Variants in SEPTIN7 observed in about 807,000 individuals in gnomAD.
SEPTIN7 encodes septin-7.
A neutral mutation model predicts 63.3 loss-of-function variants in SEPTIN7; 10 were observed. That is an observed-to-expected ratio of 0.16 (90% CI 0.10 to 0.27). SEPTIN7 has a LOEUF of 0.27. Among genes scored for constraint, SEPTIN7 ranks in the 10% least tolerant of loss-of-function variants. SEPTIN7 has a pLI of 1.00. For missense variants in SEPTIN7, 310 were observed against 521.0 expected, an observed-to-expected ratio of 0.59 and a Z score of 3.94; for synonymous variants, 131 against 165.3, an observed-to-expected ratio of 0.79 and a Z score of 1.59.
Position 35,882,442 on chromosome 7 carries a change from T to C in SEPTIN7, c.631-42T>C, listed in dbSNP as rs1018436847. ...AATGAACATAAGACTAATATACTAATTATGTATGGTGCTCTTTTGCTGACT... is the reference window on the plus strand; with the variant it reads ...AATGAACATAAGACTAATATACTAACTATGTATGGTGCTCTTTTGCTGACT... On this transcript the variant is annotated intron_variant, in intron 7 of 13. Transcript: ENST00000350320. 3 of 1,355,222 alleles carry C rather than the reference T, an allele frequency of 2.2e-6. No homozygotes were observed. The African/African-American group carries it at 4.5e-5, about 20-fold the overall frequency. 83.9% of individuals were successfully genotyped at this position (1,355,222 alleles called of 1,614,324 possible). A position where few individuals can be genotyped will look rare whatever the true frequency, so the allele number is the denominator to read the frequency against.
chr7:35,860,956 T>A (rs891818274), intron 3 of SEPTIN7, among the ~76,000 whole-genome samples: 4 of 152,214 alleles, frequency 2.6e-5, no homozygotes, highest in Non-Finnish European at 5.9e-5. Context: ...ATTGAGTATA[T>A]ATTGGTCCAA....
At chr7:35,846,486 A>G (rs1476677095) in intron 3 of SEPTIN7, among the ~76,000 whole-genome samples, 3 of 152,198 alleles carry the variant, frequency 2.0e-5, no homozygotes, top group African/African-American at 7.2e-5. Context: ...CCTTGCCAAT[A>G]TTGAGTGGAA....
chr7:35,887,651 C>G (rs1787345096), intron 10 of SEPTIN7, among the ~76,000 whole-genome samples: 1 of 152,164 alleles, frequency 6.6e-6, no homozygotes, highest in Admixed American at 6.5e-5. Flanking sequence ...CCACCCAGCC[C>G]AGAGGCTACT....
At chr7:35,861,066 GTTTT>G (rs1785479103) in intron 3 of SEPTIN7, among the ~76,000 whole-genome samples, 1 of 152,022 alleles carries the variant, frequency 6.6e-6, no homozygotes, top group Non-Finnish European at 1.5e-5. Context: ...GATTTGCTGA[GTTTT>G]TTCTTTTGCC....
chr7:35,842,360 A>C lies in SEPTIN7; in HGVS notation c.169+9460A>C, dbSNP rs148881034. Among the ~76,000 whole-genome samples, 30 of 151,656 alleles carry C rather than the reference A, an allele frequency of 2.0e-4. No homozygotes were observed. The East Asian group carries it at 2.7e-3, about 14-fold the overall frequency. ...AAACTTTGTTTTTGAAAAAAAAAAA[A>C]CCCTCATTTTAAGTAATAATTTTCA... On this transcript the variant is annotated intron_variant, in intron 3 of 13. Coordinates refer to ENST00000350320, the MANE Select transcript of SEPTIN7 (RefSeq NM_001788.6).
chr7:35,876,388 T>C (rs1786473072), intron 6 of SEPTIN7, among the ~76,000 whole-genome samples: 1 of 152,210 alleles, frequency 6.6e-6, no homozygotes, highest in East Asian at 1.9e-4. Flanking sequence ...ACATAACAGC[T>C]TAATAAGGTA....
chr7:35,913,401 CTTTCTCTT>C, the SEPTIN7 span, among the ~76,000 whole-genome samples: 2 of 151,610 alleles, frequency 1.3e-5, no homozygotes, highest in Non-Finnish European at 2.9e-5. Flanking sequence ...TTCTTTCTTT[CTTTCTCTT>C]TCTTTCTTTC....
At chr7:35,914,571 T>C in the SEPTIN7 span, among the ~76,000 whole-genome samples, 2 of 152,122 alleles carry the variant, frequency 1.3e-5, no homozygotes, top group Non-Finnish European at 2.9e-5. Context: ...ATTTTGGACT[T>C]GCCAGCTTCC....
intron 3 of SEPTIN7, among the ~76,000 whole-genome samples, chr7:35,839,545 T>C (rs938210115): frequency 6.6e-6 from 1 of 151,974 alleles, no homozygotes; most frequent in African/African-American, 2.4e-5. Flanking sequence ...TATGTTATGT[T>C]ATGTTATGTT....
intron 9 of SEPTIN7, 69 bp from the exon 10 acceptor site, chr7:35,885,759 G>A (rs1389386401): frequency 8.1e-7 from 1 of 1,230,550 alleles, no homozygotes; most frequent in Non-Finnish European, 1.2e-6. Context: ...CCAAGTTCCT[G>A]TGAAATATTT....
chr7:35,813,995 T>C (rs1583492142), intron 1 of SEPTIN7, among the ~76,000 whole-genome samples: 1 of 151,760 alleles, frequency 6.6e-6, no homozygotes, highest in South Asian at 2.1e-4. Context: ...TTCAACAACT[T>C]CATTCATTTA....
At chr7:35,829,258 G>GCCT (rs1318037659) in intron 1 of SEPTIN7, among the ~76,000 whole-genome samples, 15 of 149,212 alleles carry the variant, frequency 1.0e-4, no homozygotes, top group Non-Finnish European at 1.8e-4. Context: ...TCCTGCCTCA[G>GCCT]CCTCCCGAAT....
chr7:35,809,899 C>T (rs1788585830), intron 1 of SEPTIN7, among the ~76,000 whole-genome samples: 2 of 152,042 alleles, frequency 1.3e-5, no homozygotes, highest in South Asian at 2.1e-4. Flanking sequence ...CAGTTTAGGA[C>T]TAAAAATTGG....
chr7:35,834,657 C>T (rs1228089673), intron 3 of SEPTIN7, among the ~76,000 whole-genome samples: 1 of 152,032 alleles, frequency 6.6e-6, no homozygotes, highest in Non-Finnish European at 1.5e-5. Context: ...ATATTGAGTG[C>T]AGGTATTAAA....
intron 3 of SEPTIN7, among the ~76,000 whole-genome samples, chr7:35,837,659 C>G (rs1332372944): frequency 6.6e-6 from 1 of 152,148 alleles, no homozygotes; most frequent in African/African-American, 2.4e-5. Context: ...TGAATACTGC[C>G]AACATTGGAT....
At chr7:35,880,875 A>G (rs771912774) in intron 7 of SEPTIN7, among the ~76,000 whole-genome samples, 23 of 152,020 alleles carry the variant, frequency 1.5e-4, no homozygotes, top group Non-Finnish European at 2.9e-4. Context: ...TTTCTAATTT[A>G]ATTGTGTTTG....
At chr7:35,810,915 T>A (rs1427917256) in intron 1 of SEPTIN7, among the ~76,000 whole-genome samples, 1 of 151,690 alleles carries the variant, frequency 6.6e-6, no homozygotes, top group Admixed American at 6.6e-5. Context: ...TACAGGCACA[T>A]GCCACCACGC....
chr7:35,902,882 C>G, intron 12 of SEPTIN7, 194 bp from the exon 13 acceptor site: 1 of 687,936 alleles, frequency 1.5e-6, no homozygotes, highest in Non-Finnish European at 2.1e-6. Context: ...TGTCTTGGGT[C>G]ACTGGCCTTT....
At chr7:35,891,894 C>CT (rs2116338546) in intron 11 of SEPTIN7, among the ~76,000 whole-genome samples, 1 of 152,146 alleles carries the variant, frequency 6.6e-6, no homozygotes, top group African/African-American at 2.4e-5. Flanking sequence ...TCTTTATAAG[C>CT]TTTTTTCTAT....
Sources: allele counts gnomAD v4.1 joint callset (sites outside exome capture counted in the v4.1 genomes callset), GRCh38; gene constraint gnomAD v4.1.1; transcripts MANE v1.5; gene names NCBI Gene and HGNC (gene_info 2026-07-23, HGNC 2026-07-21).